Variants in ATP9B observed in about 807,000 individuals in gnomAD.
ATP9B encodes the protein probable phospholipid-transporting ATPase IIB.
In ATP9B, 110 loss-of-function variants were observed where a neutral mutation model predicts 146.1. That is an observed-to-expected ratio of 0.75 (90% confidence interval 0.65 to 0.88). The LOEUF (loss-of-function observed/expected upper bound fraction) is 0.88. ATP9B is among the 40% of genes least tolerant of loss of function. ATP9B has a pLI of 0.00. For missense variants in ATP9B, 1,499 were observed against 1,496.4 expected, an observed-to-expected ratio of 1.00 and a Z score of -0.03; for synonymous variants, 604 against 569.7, an observed-to-expected ratio of 1.06 and a Z score of -0.86.
intron 25 of ATP9B, among the ~76,000 whole-genome samples, chr18:79,349,552 G>A (rs1043689751): frequency 6.6e-6 from 1 of 152,196 alleles, no homozygotes; most frequent in Non-Finnish European, 1.5e-5. Flanking sequence ...TTTCTAGTCC[G>A]CAGTCTAAAC....
chr18:79,074,000 T>C (rs549552235), intron 1 of ATP9B, among the ~76,000 whole-genome samples: 4 of 152,294 alleles, frequency 2.6e-5, no homozygotes, highest in Non-Finnish European at 4.4e-5. Flanking sequence ...ATTAGGAGAA[T>C]TTGGGTTCTA....
intron 26 of ATP9B, chr18:79,360,598 C>G (rs2096982282): frequency 6.6e-6 from 1 of 152,196 alleles, no homozygotes; most frequent in African/African-American, 2.4e-5. Flanking sequence ...CCAGCTATAA[C>G]CACTCATTAG....
At chr18:79,218,474 A>G (rs1228600656) in intron 11 of ATP9B, among the ~76,000 whole-genome samples, 513 of 82,760 alleles carry the variant, frequency 6.2e-3, no homozygotes, top group Middle Eastern at 0.025. Context: ...TGCTGGTCAT[A>G]TTTTCCTCGT....
chr18:79,299,686 G>A (rs926637750), intron 13 of ATP9B, among the ~76,000 whole-genome samples: 3 of 152,192 alleles, frequency 2.0e-5, no homozygotes, highest in East Asian at 1.9e-4. Flanking sequence ...GATGTATTCC[G>A]TATTTTACAG....
At chr18:79,165,242 G>A (rs2094947810) in intron 7 of ATP9B, among the ~76,000 whole-genome samples, 1 of 152,224 alleles carries the variant, frequency 6.6e-6, no homozygotes, top group South Asian at 2.1e-4. Flanking sequence ...GCTTCTGACT[G>A]TCTGGCTCTG....
intron 11 of ATP9B, 85 bp from the exon 12 acceptor site, chr18:79,253,296 T>TA (rs1200810190): frequency 8.0e-7 from 1 of 1,246,792 alleles, no homozygotes; most frequent in South Asian, 1.7e-5. Context: ...GTTTTTTTTT[T>TA]ATGTCATCAC....
intron 12 of ATP9B, among the ~76,000 whole-genome samples, chr18:79,256,864 A>G (rs1027432788): frequency 1.3e-5 from 2 of 152,198 alleles, no homozygotes; most frequent in Admixed American, 6.5e-5. Context: ...GAATCATCCT[A>G]CATATTCTTG....
intron 25 of ATP9B, chr18:79,352,849 T>C (rs566474632): frequency 9.2e-5 from 14 of 152,282 alleles, no homozygotes; most frequent in Admixed American, 8.5e-4. Flanking sequence ...TTCATAAAAA[T>C]TAAGTTTTTG....
At position 79,239,719 on chromosome 18, in the gene ATP9B, A is replaced by G. The variant is rs1035780716; in HGVS notation, c.1108-13662A>G. On this transcript the variant is annotated intron_variant, in intron 11 of 29. Coordinates refer to ENST00000426216, the MANE Select transcript of ATP9B (RefSeq NM_198531.5). This position sits in a 1 kb window ranked among gnomAD's most constrained non-coding sequence, Gnocchi z 5.1. ...TTCTTTTATCATGTAAATTTCTTTC[A>G]TGTAAGTTACATGATAGTCCTTTAG... is the stretch of plus-strand genomic sequence containing the variant. Among the ~76,000 whole-genome samples the G allele has an allele frequency of 4.6e-5, 7 of 152,196 alleles. No homozygotes were observed. The highest frequency in any genetic ancestry group is 1.7e-4 in the African/African-American group (7 of 41,442).
chr18:79,234,617 G>C (rs968973610), intron 11 of ATP9B, among the ~76,000 whole-genome samples: 1 of 151,298 alleles, frequency 6.6e-6, no homozygotes, highest in Non-Finnish European at 1.5e-5. Context: ...CTTGCTGTGG[G>C]CCTGCTTGCT....
At chr18:79,245,602 CGGAGGGTACCACCCTACTGACTGG>C (rs71161763) in intron 11 of ATP9B, among the ~76,000 whole-genome samples, 50,681 of 137,444 alleles carry the variant, frequency 0.37, 9,860 homozygotes, top group Middle Eastern at 0.57. Context: ...AATGACTGTG[CGGAGGGTACCACCCTACTGACTGG>C]GGAGGGTACC....
intron 4 of ATP9B, chr18:79,115,539 A>T (rs1198691142): frequency 7.6e-6 from 1 of 131,916 alleles, no homozygotes; most frequent in Non-Finnish European, 1.6e-5. Flanking sequence ...GGCTACAGTA[A>T]CCAAAACAGC....
At chr18:79,245,550 A>AGGAGGGCACCGCCCTACTGACTGTGC (rs1303318163) in intron 11 of ATP9B, among the ~76,000 whole-genome samples, 2 of 85,910 alleles carry the variant, frequency 2.3e-5, no homozygotes, top group African/African-American at 1.2e-4. Context: ...CTACTGACTG[A>AGGAGGGCACCGCCCTACTGACTGTGC]GGAGGGCACC....
At chr18:79,303,430 C>T (rs1301366405) in intron 13 of ATP9B, among the ~76,000 whole-genome samples, 174 bp from the exon 14 acceptor site, 2 of 151,730 alleles carry the variant, frequency 1.3e-5, no homozygotes, top group East Asian at 3.9e-4. Flanking sequence ...CTTGTTCTTC[C>T]TATTAAAATG....
intron 4 of ATP9B, among the ~76,000 whole-genome samples, chr18:79,118,400 T>TTTTG (rs1568213558): frequency 7.9e-6 from 1 of 127,128 alleles, no homozygotes; most frequent in African/African-American, 2.9e-5. Context: ...GTTTTTTTTT[T>TTTTG]TTTTTTTTTT....
chr18:79,226,330 T>C (rs1006265052), intron 11 of ATP9B, among the ~76,000 whole-genome samples: 1 of 152,244 alleles, frequency 6.6e-6, no homozygotes, highest in Non-Finnish European at 1.5e-5. Context: ...ACTGCTGTCT[T>C]CTGCACTCTT....
intron 29 of ATP9B, chr18:79,376,084 A>C (rs2097100121): frequency 1.0e-6 from 1 of 984,812 alleles, no homozygotes; most frequent in Non-Finnish European, 1.2e-6. Flanking sequence ...CTCTAAGAGC[A>C]GACCGGTCTG....
chr18:79,325,982 G>C (rs994056194), intron 15 of ATP9B, among the ~76,000 whole-genome samples: 2 of 132,586 alleles, frequency 1.5e-5, no homozygotes, highest in Non-Finnish European at 3.1e-5. Context: ...CCCCTCACAT[G>C]GTGTTAGGGT....
intron 2 of ATP9B, among the ~76,000 whole-genome samples, chr18:79,106,921 G>T (rs2075688663): frequency 6.6e-6 from 1 of 152,088 alleles, no homozygotes; most frequent in Non-Finnish European, 1.5e-5. Flanking sequence ...AGTGTCGTTT[G>T]TCTGGAAGAA....
Sources: gnomAD v4.1 joint callset for allele counts (sites outside exome capture counted in the v4.1 genomes callset) on GRCh38, gnomAD v4.1.1 for gene constraint, Gnocchi (gnomAD v3.1) non-coding constraint, MANE v1.5 for transcripts, NCBI Gene and HGNC (gene_info 2026-07-23, HGNC 2026-07-21) for gene names.